NPR2: variants seen among roughly 807,000 people sequenced by gnomAD.
NPR2 encodes the protein natriuretic peptide receptor 2.
Under a neutral mutation model 120.7 loss-of-function variants are expected in NPR2, and 49 were observed. That is an observed-to-expected ratio of 0.41 (90% confidence interval 0.32 to 0.52). The LOEUF (loss-of-function observed/expected upper bound fraction) is 0.52. Among genes scored for constraint, NPR2 ranks in the 20% least tolerant of loss-of-function variants. The pLI is 0.36. For missense variants in NPR2, 931 were observed against 1,362.9 expected, an observed-to-expected ratio of 0.68 and a Z score of 4.99; for synonymous variants, 484 against 519.8, an observed-to-expected ratio of 0.93 and a Z score of 0.94.
At chr9:35,798,021 T>G (rs1298327273) in intron 2 of NPR2, among the ~76,000 whole-genome samples, 1 of 152,172 alleles carries the variant, frequency 6.6e-6, no homozygotes, top group Non-Finnish European at 1.5e-5. Context: ...TCTAAGATGG[T>G]CAATATTGAT....
rs772142342 is a variant in NPR2, at chr9:35,792,492, G to T, written c.84G>T (p.Ala28=). ...CCGGGGCGCGGAACCTGACGCTGGC[G>T]GTGGTGCTGCCAGAACACAACCTGA... ...RPPGARNLTL[A]VVLPEHNLSY... is the part of the protein sequence containing the mutation. The change falls in exon 1 of 22, where the codon GCG becomes GCT. Residue 28 remains alanine (A), a synonymous_variant. Transcript: ENST00000342694. 2 of 1,610,494 alleles carry T rather than the reference G, an allele frequency of 1.2e-6. No homozygotes were observed. The highest frequency in any genetic ancestry group is 2.7e-5 in the African/African-American group (2 of 75,050).
rs1257415965 is a variant in NPR2 at position 35,792,267 on chromosome 9, C to T, written c.-142C>T. 1.4e-5 allele frequency: 12 copies of T among 869,528 alleles called. No individual in the cohort carries two copies. The highest frequency in any genetic ancestry group is 1.9e-5 in the Non-Finnish European group (11 of 579,808). The allele number at this position is 869,528 out of a possible 1,614,324, so 53.9% of individuals were successfully genotyped here. A position where few individuals can be genotyped will look rare whatever the true frequency, so the allele number is the denominator to read the frequency against. Reference sequence around the variant, plus strand: ...CCCTCCTCTCCCCGGCCCCCAGCACCTTCTGCATCCCAGCCTACCTAGCCT... The same window carrying T: ...CCCTCCTCTCCCCGGCCCCCAGCACTTTCTGCATCCCAGCCTACCTAGCCT... On this transcript the variant is annotated 5_prime_UTR_variant, in exon 1 of 22. Coordinates refer to ENST00000342694, the MANE Select transcript of NPR2 (RefSeq NM_003995.4).
At chr9:35,795,511 C>A (rs1373306312) in intron 2 of NPR2, among the ~76,000 whole-genome samples, 2 of 152,124 alleles carry the variant, frequency 1.3e-5, no homozygotes, top group African/African-American at 2.4e-5. Context: ...ACCTGGGTGG[C>A]CATTCTTCTC....
intron 12 of NPR2, among the ~76,000 whole-genome samples, chr9:35,804,192 G>A (rs773440408): frequency 6.6e-6 from 1 of 151,594 alleles, no homozygotes; most frequent in African/African-American, 2.4e-5. Flanking sequence ...AACTGACTTG[G>A]GTGGCTCCTA....
At chr9:35,798,174 G>A (rs1278206857) in intron 2 of NPR2, among the ~76,000 whole-genome samples, 1 of 152,204 alleles carries the variant, frequency 6.6e-6, no homozygotes, top group East Asian at 1.9e-4. Context: ...TTTAAAATGT[G>A]TTAAAAACCT....
chr9:35,796,709 G>A (rs1208237895), intron 2 of NPR2, among the ~76,000 whole-genome samples: 1 of 152,220 alleles, frequency 6.6e-6, no homozygotes, highest in Non-Finnish European at 1.5e-5. Flanking sequence ...TAGGCACCAG[G>A]AATATGCTGA....
intron 2 of NPR2, among the ~76,000 whole-genome samples, chr9:35,799,103 T>C (rs948993680): frequency 6.6e-6 from 1 of 152,242 alleles, no homozygotes; most frequent in Non-Finnish European, 1.5e-5. Context: ...GCGGAGACAC[T>C]GTGTTCAAGT....
In NPR2 at chr9:35,809,539, CA is replaced by C; in HGVS notation, c.*95del. 1 of 1,601,120 alleles carries C rather than the reference CA, an allele frequency of 6.2e-7. No individual in the cohort carries two copies. The highest frequency in any genetic ancestry group is 8.6e-7 in the Non-Finnish European group (1 of 1,168,492). On this transcript the variant is annotated 3_prime_UTR_variant, in exon 22 of 22. Transcript: ENST00000342694. This position sits in a 1 kb window ranked among gnomAD's most constrained non-coding sequence, Gnocchi z 4.1. The stretch of plus-strand genomic sequence containing the variant: ...TGCACACACCAGAAATGGACATTTT[CA>C]TATGCAATGGAAAACAGCCACAAAA...
intron 12 of NPR2, among the ~76,000 whole-genome samples, chr9:35,804,126 A>G (rs1354582942): frequency 6.6e-6 from 1 of 152,228 alleles, no homozygotes; most frequent in East Asian, 1.9e-4. Context: ...AAACATTTAG[A>G]CAGAAATGTT....
At position 35,800,972 on chromosome 9, in the gene NPR2, C is replaced by T. The variant is rs1472329261; in HGVS notation, c.1352-98C>T. On this transcript the variant is annotated intron_variant, in intron 6 of 21. Coordinates refer to ENST00000342694, the MANE Select transcript of NPR2 (RefSeq NM_003995.4). This position sits in a 1 kb window ranked among gnomAD's most constrained non-coding sequence, Gnocchi z 4.7. ...CTGCATCCCTCCCTCCTCATTTCTT[C>T]CTACTCCCAAGGAGTCTGTCTATGC... 6.5e-7 allele frequency: 1 copy of T among 1,533,886 alleles called. No homozygotes were observed. The highest frequency in any genetic ancestry group is 9.0e-7 in the Non-Finnish European group (1 of 1,106,996).
chr9:35,797,175 G>T (rs1374309238), intron 2 of NPR2, among the ~76,000 whole-genome samples: 1 of 152,162 alleles, frequency 6.6e-6, no homozygotes, highest in African/African-American at 2.4e-5. Flanking sequence ...AATTGAATTA[G>T]GGGTGTGTTG....
At chr9:35,803,486 ACT>A (rs1402618152) in intron 12 of NPR2, among the ~76,000 whole-genome samples, 2 of 152,016 alleles carry the variant, frequency 1.3e-5, no homozygotes, top group Non-Finnish European at 2.9e-5. Flanking sequence ...TCATTATTTT[ACT>A]CTCTGACCAA....
chr9:35,807,321 C>A lies in NPR2; in HGVS notation c.2644-9C>A. 6.2e-7 allele frequency: 1 copy of A among 1,610,484 alleles called. No individual in the cohort carries two copies. The highest frequency in any genetic ancestry group is 8.5e-7 in the Non-Finnish European group (1 of 1,176,654). ...AGTCTCAGGGCCTCTGCTTTTCTAT[C>A]CCTTTTAGGTAGTGACACTTCTTAA... is the stretch of plus-strand genomic sequence containing the variant. On this transcript the variant is annotated splice_polypyrimidine_tract_variant and intron_variant, in intron 17 of 21. Coordinates refer to ENST00000342694, the MANE Select transcript of NPR2 (RefSeq NM_003995.4).
chr9:35,807,429 A>T lies in NPR2; in HGVS notation c.2712+31A>T, dbSNP rs768483476. ...AGCTGGGGCCGCTGTTCAATAGAAG[A>T]CCCTTTAATAGAGACCCGCTTTGAA... On this transcript the variant is annotated intron_variant, in intron 18 of 21. Coordinates refer to ENST00000342694, the MANE Select transcript of NPR2 (RefSeq NM_003995.4). The T allele has an allele frequency of 1.4e-5, 22 of 1,536,016 alleles. No homozygotes were observed. The African/African-American group carries it at 2.5e-4, about 17-fold the overall frequency.
chr9:35,795,790 G>A (rs906837240), intron 2 of NPR2, among the ~76,000 whole-genome samples: 1 of 152,072 alleles, frequency 6.6e-6, no homozygotes, highest in Non-Finnish European at 1.5e-5. Context: ...TCCCTAAGTG[G>A]GACTGAATTT....
rs1173163402 is a variant in NPR2 at position 35,803,253 on chromosome 9, G to A, written c.1887+450G>A. Among the ~76,000 whole-genome samples the A allele has an allele frequency of 8.4e-5, 11 of 130,244 alleles. 1 individual carries two copies. The highest frequency in any genetic ancestry group is 2.4e-4 in the South Asian group (1 of 4,210). 85.4% of individuals were successfully genotyped at this position (130,244 alleles called of 152,430 possible). A position where few individuals can be genotyped will look rare whatever the true frequency, so the allele number is the denominator to read the frequency against. Reference sequence around the variant, plus strand: ...CAAGTAGCTGGGACTACAGGCGCCCGCCACTACGCCCGGCTAATTTTTTTG... The same window carrying A: ...CAAGTAGCTGGGACTACAGGCGCCCACCACTACGCCCGGCTAATTTTTTTG... On this transcript the variant is annotated intron_variant, in intron 12 of 21. Transcript: ENST00000342694.
Position 35,801,212 on chromosome 9 carries a change from G to T in NPR2, c.1436+58G>T, listed in dbSNP as rs976385149. On this transcript the variant is annotated intron_variant, in intron 7 of 21. Transcript: ENST00000342694. The stretch of plus-strand genomic sequence containing the variant: ...TGCCCCCATTGCCACACAACCTCTG[G>T]CTGAAGCCAGGTGGTCCCTATAATG... 11 of 1,314,642 alleles carry T rather than the reference G, an allele frequency of 8.4e-6. No individual in the cohort carries two copies. In the Admixed American group the frequency reaches 1.7e-4, roughly 20 times the overall value. 81.4% of individuals were successfully genotyped at this position (1,314,642 alleles called of 1,614,324 possible). A position where few individuals can be genotyped will look rare whatever the true frequency, so the allele number is the denominator to read the frequency against.
At chr9:35,803,975 G>C (rs1161728792) in intron 12 of NPR2, among the ~76,000 whole-genome samples, 1 of 152,158 alleles carries the variant, frequency 6.6e-6, no homozygotes, top group Non-Finnish European at 1.5e-5. Context: ...GCCTAATCCT[G>C]TGATTGTTGA....
At position 35,802,257 on chromosome 9, in the gene NPR2, C is replaced by T. The variant is rs566096931; in HGVS notation, c.1684C>T (p.Arg562Trp). 15 of 1,605,170 alleles carry T rather than the reference C, an allele frequency of 9.3e-6. No individual in the cohort carries two copies. Among genetic ancestry groups the T allele is most frequent in the African/African-American group, 1.3e-5 (1 of 74,848 alleles). Residue 562 changes from arginine (R) to tryptophan (W), a missense_variant, in exon 10 of 22, where the codon CGG (arginine) becomes TGG (tryptophan). By Grantham distance (101) the Arg-to-Trp change is moderately radical. Coordinates refer to ENST00000342694, the MANE Select transcript of NPR2 (RefSeq NM_003995.4). This position sits in a 1 kb window ranked among gnomAD's most constrained non-coding sequence, Gnocchi z 4.2. Reference sequence around the variant, plus strand: ...GAATAAGAAGCGCATTGAGCTGACCCGGCAGGTTCTGTTTGAACTCAAACA... The same window carrying T: ...GAATAAGAAGCGCATTGAGCTGACCTGGCAGGTTCTGTTTGAACTCAAACA... ...HVNKKRIELT[R>W]QVLFELKHMR...
Sources: gnomAD v4.1 joint callset for allele counts (sites outside exome capture counted in the v4.1 genomes callset) on GRCh38, gnomAD v4.1.1 for gene constraint, Gnocchi (gnomAD v3.1) non-coding constraint, MANE v1.5 for transcripts, NCBI Gene and HGNC (gene_info 2026-07-23, HGNC 2026-07-21) for gene names.